CSMD1: variants seen among roughly 807,000 people sequenced by gnomAD.
The protein encoded by CSMD1 is CUB and Sushi multiple domains 1.
CSMD1 carries 213 observed loss-of-function variants against 417.5 expected under a neutral mutation model. That is an observed-to-expected ratio of 0.51 (90% CI 0.46 to 0.57). The LOEUF is 0.57. Among genes scored for constraint, CSMD1 ranks in the 20% least tolerant of loss-of-function variants. The probability of loss-of-function intolerance (pLI) is 0.00; values close to 1 mark genes in which losing one functional copy is unlikely to be tolerated. For synonymous variants in CSMD1, 2,862 were observed against 1,736.8 expected (o/e 1.65, Z -16.11); for missense variants, 6,923 against 4,529.7 (o/e 1.53, Z -15.17).
intron 2 of CSMD1, among the ~76,000 whole-genome samples, chr8:4,481,496 T>A (rs1801099642): frequency 1.3e-5 from 2 of 152,084 alleles, no homozygotes; most frequent in African/African-American, 4.8e-5. Context: ...TGAGATTTGA[T>A]CAAATATCTT....
At chr8:3,240,349 T>C (rs1799417447) in intron 26 of CSMD1, among the ~76,000 whole-genome samples, 1 of 150,884 alleles carries the variant, frequency 6.6e-6, no homozygotes, top group Non-Finnish European at 1.5e-5. Flanking sequence ...CTTTTGTGAG[T>C]TTATATAATG....
At chr8:3,517,761 C>A (rs1398094649) in intron 10 of CSMD1, among the ~76,000 whole-genome samples, 1 of 152,080 alleles carries the variant, frequency 6.6e-6, no homozygotes, top group East Asian at 1.9e-4. Context: ...ATGAAGAATT[C>A]AAGGCTGGGA....
chr8:3,158,037 A>G, intron 38 of CSMD1, 71 bp from the exon 39 acceptor site: 2 of 1,200,312 alleles, frequency 1.7e-6, no homozygotes, highest in South Asian at 2.8e-5. Context: ...ATGTTTGAGA[A>G]TATCTGCATT....
At chr8:3,784,861 T>C (rs1475271115) in intron 5 of CSMD1, among the ~76,000 whole-genome samples, 1 of 152,226 alleles carries the variant, frequency 6.6e-6, no homozygotes, top group Non-Finnish European at 1.5e-5. Context: ...ATCATCACAA[T>C]ACTGATGTTA....
At chr8:4,946,389 G>A (rs891002848) in intron 1 of CSMD1, among the ~76,000 whole-genome samples, 8 of 152,266 alleles carry the variant, frequency 5.3e-5, no homozygotes, top group East Asian at 1.9e-4. Flanking sequence ...TAGTGATGAA[G>A]GAACTAGGTC....
At chr8:3,366,874 T>A (rs1272382199) in intron 20 of CSMD1, among the ~76,000 whole-genome samples, 158 bp downstream of exon 20, 1 of 152,136 alleles carries the variant, frequency 6.6e-6, no homozygotes, top group Non-Finnish European at 1.5e-5. Flanking sequence ...TCGTGGAGGC[T>A]CAGCCTCCTG....
At chr8:4,154,662 T>A (rs1796738574) in intron 3 of CSMD1, among the ~76,000 whole-genome samples, 1 of 152,208 alleles carries the variant, frequency 6.6e-6, no homozygotes, top group Non-Finnish European at 1.5e-5. Context: ...TTCTAGTCCC[T>A]TAGTTGATAA....
chr8:3,979,312 G>C (rs1005174484), intron 5 of CSMD1, among the ~76,000 whole-genome samples: 1 of 152,226 alleles, frequency 6.6e-6, no homozygotes, highest in African/African-American at 2.4e-5. Context: ...TAACAGAGGT[G>C]TGAATCAGGT....
intron 54 of CSMD1, among the ~76,000 whole-genome samples, chr8:2,984,678 C>T (rs1413033495): frequency 1.3e-5 from 2 of 152,158 alleles, no homozygotes; most frequent in African/African-American, 2.4e-5. Context: ...GCTGGATGAA[C>T]GGCCAGCGAA....
At chr8:4,388,303 T>TACACACACACACAC (rs748455037) in intron 3 of CSMD1, among the ~76,000 whole-genome samples, 6 of 117,208 alleles carry the variant, frequency 5.1e-5, no homozygotes, top group African/African-American at 1.5e-4. Flanking sequence ...GAAACTGTGA[T>TACACACACACACAC]ACACACACAC....
chr8:3,539,282 G>T (rs1253724302), intron 10 of CSMD1, among the ~76,000 whole-genome samples: 2 of 152,190 alleles, frequency 1.3e-5, no homozygotes, highest in Non-Finnish European at 2.9e-5. Flanking sequence ...TTAAATGGTT[G>T]TCTTCCCCCT....
At chr8:3,793,279 A>G (rs978736405) in intron 5 of CSMD1, among the ~76,000 whole-genome samples, 2 of 152,228 alleles carry the variant, frequency 1.3e-5, no homozygotes, top group Non-Finnish European at 2.9e-5. Context: ...GCAGTCTCTC[A>G]GGCAATTTTC....
chr8:3,053,698 T>A (rs527483641), intron 49 of CSMD1, among the ~76,000 whole-genome samples: 1 of 152,240 alleles, frequency 6.6e-6, no homozygotes, highest in Non-Finnish European at 1.5e-5. Context: ...CTATGTCTGA[T>A]CCAGATGTAT....
intron 3 of CSMD1, among the ~76,000 whole-genome samples, chr8:4,077,308 T>TATGTAC (rs1554439915): frequency 5.8e-5 from 7 of 120,300 alleles, no homozygotes; most frequent in African/African-American, 1.7e-4. Flanking sequence ...TATATATATA[T>TATGTAC]ATATATATAT....
At chr8:3,554,544 C>A (rs534925280) in intron 10 of CSMD1, among the ~76,000 whole-genome samples, 1 of 152,160 alleles carries the variant, frequency 6.6e-6, no homozygotes, top group Non-Finnish European at 1.5e-5. Flanking sequence ...ACCCCCAGCT[C>A]CTGCTCTGTT....
chr8:4,336,890 G>C (rs1392523506), intron 3 of CSMD1, among the ~76,000 whole-genome samples: 1 of 151,992 alleles, frequency 6.6e-6, no homozygotes, highest in East Asian at 1.9e-4. Context: ...TACGGGAATG[G>C]GATTGCCTAA....
In CSMD1 at chr8:4,031,919, G is replaced by A. The variant is rs746799708; in HGVS notation, c.596C>T (p.Ala199Val). 6.8e-6 allele frequency: 11 copies of A among 1,613,394 alleles called. No individual in the cohort carries two copies. In the Admixed American group the frequency reaches 1.3e-4, roughly 20 times the overall value. The change falls in exon 4 of 70, where the codon GCT becomes GTT. Residue 199 changes from alanine to valine, a missense_variant. Transcript: ENST00000635120. ...TAGCACTGTACCTCTGCAAAAGGGA[G>A]CTGGGAAGTCCCACGATGCACCATT... ...PGNGASWDFPAPFCRAEGACG... is the reference protein window; with the variant it reads ...PGNGASWDFPVPFCRAEGACG...
chr8:4,041,208 G>T (rs1281184548), intron 3 of CSMD1, among the ~76,000 whole-genome samples: 3 of 151,684 alleles, frequency 2.0e-5, no homozygotes, highest in Non-Finnish European at 4.4e-5. Flanking sequence ...TGGTAGAGAC[G>T]GGGTTTCACC....
intron 3 of CSMD1, among the ~76,000 whole-genome samples, chr8:4,330,484 G>T (rs1435185674): frequency 2.0e-5 from 3 of 151,922 alleles, no homozygotes; most frequent in Admixed American, 6.6e-5. Flanking sequence ...CAGCTACTTA[G>T]GAGGCTGAGA....
Sources: allele counts gnomAD v4.1 joint callset (sites outside exome capture counted in the v4.1 genomes callset), GRCh38; gene constraint gnomAD v4.1.1; transcripts MANE v1.5; gene names NCBI Gene and HGNC (gene_info 2026-07-23, HGNC 2026-07-21).